IGF1R: variants seen among roughly 807,000 people sequenced by gnomAD.
The protein encoded by IGF1R is insulin like growth factor 1 receptor.
In IGF1R, 44 loss-of-function variants were observed where a neutral mutation model predicts 144.6. That is an observed-to-expected ratio of 0.30 (90% confidence interval 0.24 to 0.39). IGF1R has a LOEUF of 0.39. Among genes scored for constraint, IGF1R ranks in the 10% least tolerant of loss-of-function variants. IGF1R has a pLI of 1.00. For missense variants in IGF1R, 1,355 were observed against 1,833.7 expected (o/e 0.74, Z 4.77); for synonymous variants, 795 against 722.8 (o/e 1.10, Z -1.60).
chr15:98,913,871 ATATAAAAACTAGTT>A (rs1225142060), intron 8 of IGF1R, among the ~76,000 whole-genome samples: 11 of 152,380 alleles, frequency 7.2e-5, no homozygotes, highest in African/African-American at 2.2e-4. Context: ...AGTTTCCAGT[ATATAAAAACTAGTT>A]TAGAAGTAGG....
At chr15:98,843,956 C>T (rs1161436983) in intron 2 of IGF1R, among the ~76,000 whole-genome samples, 2 of 152,168 alleles carry the variant, frequency 1.3e-5, no homozygotes, top group Non-Finnish European at 2.9e-5. Context: ...TTTGCTGCTT[C>T]CTTTTGTTTG....
At chr15:98,738,758 T>G (rs1302066304) in intron 2 of IGF1R, among the ~76,000 whole-genome samples, 1 of 152,208 alleles carries the variant, frequency 6.6e-6, no homozygotes, top group Non-Finnish European at 1.5e-5. Context: ...TTCTCTTGAC[T>G]ATCCCATTTC....
At chr15:98,659,925 A>G (rs1358199813) in intron 1 of IGF1R, among the ~76,000 whole-genome samples, 1 of 152,090 alleles carries the variant, frequency 6.6e-6, no homozygotes, top group Non-Finnish European at 1.5e-5. Context: ...GAGAATAAGA[A>G]TAAATACATC....
At chr15:98,915,269 G>A (rs888853355) in intron 8 of IGF1R, among the ~76,000 whole-genome samples, 1 of 152,134 alleles carries the variant, frequency 6.6e-6, no homozygotes, top group African/African-American at 2.4e-5. Context: ...GCCTATAATC[G>A]GCATTCATTC....
intron 2 of IGF1R, among the ~76,000 whole-genome samples, chr15:98,845,496 TCTCCTCCTCC>T (rs1430319842): frequency 4.3e-5 from 4 of 93,738 alleles, no homozygotes; most frequent in East Asian, 3.9e-4. Context: ...CCTCCTTCCT[TCTCCTCCTCC>T]CTCCTCCTCC....
intron 17 of IGF1R, among the ~76,000 whole-genome samples, chr15:98,938,131 G>A (rs2016226460): frequency 6.6e-6 from 1 of 152,250 alleles, no homozygotes; most frequent in Non-Finnish European, 1.5e-5. Flanking sequence ...AGCATCCACT[G>A]GGCATTGACT....
intron 15 of IGF1R, among the ~76,000 whole-genome samples, chr15:98,934,189 T>C (rs2151707028): frequency 6.6e-6 from 1 of 151,548 alleles, no homozygotes; most frequent in East Asian, 1.9e-4. Flanking sequence ...CATGGAATGC[T>C]CAGGAGTCCC....
chr15:98,663,523 C>T (rs1230967587), intron 1 of IGF1R, among the ~76,000 whole-genome samples: 1 of 152,214 alleles, frequency 6.6e-6, no homozygotes, highest in Non-Finnish European at 1.5e-5. Flanking sequence ...GGTTAAAACC[C>T]GTGGAGTAAT....
At chr15:98,956,919 G>T (rs2017011415) in intron 20 of IGF1R, 142 bp from the exon 21 acceptor site, 4 of 924,394 alleles carry the variant, frequency 4.3e-6, no homozygotes, top group Non-Finnish European at 6.8e-6. Flanking sequence ...CAGAAAGCCA[G>T]GGATGGAGAG....
intron 2 of IGF1R, among the ~76,000 whole-genome samples, chr15:98,837,543 A>T (rs2011108989): frequency 6.6e-6 from 1 of 151,772 alleles, no homozygotes; most frequent in Non-Finnish European, 1.5e-5. Flanking sequence ...ACCAATTTTT[A>T]AATTTTTTGT....
intron 1 of IGF1R, among the ~76,000 whole-genome samples, chr15:98,664,634 A>G (rs550309694): frequency 2.7e-5 from 4 of 148,920 alleles, no homozygotes; most frequent in Admixed American, 6.7e-5. Flanking sequence ...TGGAGGTTGC[A>G]GTGAGCCAAG....
intron 20 of IGF1R, among the ~76,000 whole-genome samples, chr15:98,953,499 C>T (rs1432328852): frequency 3.3e-5 from 5 of 152,088 alleles, no homozygotes; most frequent in Non-Finnish European, 7.3e-5. Context: ...GCGTGCTGAC[C>T]CTGAGGTCAC....
intron 5 of IGF1R, among the ~76,000 whole-genome samples, chr15:98,903,044 G>A (rs2014563940): frequency 6.6e-6 from 1 of 152,262 alleles, no homozygotes; most frequent in African/African-American, 2.4e-5. Context: ...GTTTCCTCAA[G>A]GACACCATAG....
chr15:98,779,651 T>G (rs1401575067), intron 2 of IGF1R, among the ~76,000 whole-genome samples: 2 of 152,202 alleles, frequency 1.3e-5, no homozygotes, highest in African/African-American at 2.4e-5. Context: ...TTAAATCATA[T>G]AATCCGCTTC....
At chr15:98,953,378 G>A (rs2151732791) in intron 20 of IGF1R, among the ~76,000 whole-genome samples, 1 of 152,308 alleles carries the variant, frequency 6.6e-6, no homozygotes, top group Admixed American at 6.5e-5. Context: ...GATTTGGGTT[G>A]TGGTTCCCTG....
intron 2 of IGF1R, among the ~76,000 whole-genome samples, chr15:98,883,248 A>G (rs1173430286): frequency 6.6e-6 from 1 of 152,190 alleles, no homozygotes; most frequent in East Asian, 1.9e-4. Context: ...CCAGGCAGAA[A>G]CCTGTTTGGA....
intron 8 of IGF1R, among the ~76,000 whole-genome samples, chr15:98,913,849 G>A (rs1297604677): frequency 5.3e-5 from 8 of 152,154 alleles, no homozygotes; most frequent in Non-Finnish European, 1.2e-4. Context: ...AACAGTAAAA[G>A]CAAACGTTAA....
At chr15:98,768,069 G>A (rs2055479372) in intron 2 of IGF1R, among the ~76,000 whole-genome samples, 1 of 152,154 alleles carries the variant, frequency 6.6e-6, no homozygotes, top group East Asian at 1.9e-4. Flanking sequence ...GACTTTGCAA[G>A]TTAGTAAGCT....
chr15:98,696,679 CA>C (rs1567080911), intron 1 of IGF1R, among the ~76,000 whole-genome samples: 1 of 152,278 alleles, frequency 6.6e-6, no homozygotes, highest in East Asian at 1.9e-4. Context: ...ATGTTACTAC[CA>C]GGGGGCTTGA....
Sources: gnomAD v4.1 joint callset for allele counts (sites outside exome capture counted in the v4.1 genomes callset) on GRCh38, gnomAD v4.1.1 for gene constraint, MANE v1.5 for transcripts, NCBI Gene and HGNC (gene_info 2026-07-23, HGNC 2026-07-21) for gene names.